The following AGMO variants were observed in gnomAD, a reference collection of about 807,000 sequenced individuals.
The protein encoded by AGMO is alkylglycerol monooxygenase, also known as glyceryl-ether monooxygenase.
Under a neutral mutation model 60.2 loss-of-function variants are expected in AGMO, and 75 were observed. The ratio of observed to expected loss-of-function variants is 1.25; its 90% CI spans 1.03 to 1.51. The LOEUF is 1.51. Ranked by LOEUF, AGMO falls within the 40% of genes most tolerant of loss-of-function variation. AGMO has a pLI of 0.00. For synonymous variants in AGMO, 261 were observed against 177.1 expected (o/e 1.47, Z -3.76); for missense variants, 763 against 525.5 (o/e 1.45, Z -4.42).
At chr7:15,225,933 T>C (rs1782068442) in intron 12 of AGMO, among the ~76,000 whole-genome samples, 1 of 151,996 alleles carries the variant, frequency 6.6e-6, no homozygotes, top group African/African-American at 2.4e-5. Flanking sequence ...TAATCCACTA[T>C]CTATCTGACA....
chr7:15,290,356 A>T (rs945068979), intron 12 of AGMO, among the ~76,000 whole-genome samples: 6 of 152,116 alleles, frequency 3.9e-5, no homozygotes, highest in African/African-American at 7.2e-5. Flanking sequence ...TTTCTCATAG[A>T]TGATTAGTAG....
chr7:15,518,219 G>A (rs528260174), intron 3 of AGMO, among the ~76,000 whole-genome samples: 7 of 152,150 alleles, frequency 4.6e-5, no homozygotes, highest in Non-Finnish European at 8.8e-5. Flanking sequence ...GAGCACCTGG[G>A]GGAAGGGGCA....
chr7:15,534,138 T>A (rs2128543771), intron 3 of AGMO, among the ~76,000 whole-genome samples: 1 of 152,170 alleles, frequency 6.6e-6, no homozygotes, highest in African/African-American at 2.4e-5. Flanking sequence ...AGAACAAATC[T>A]GTTTTAGCAA....
chr7:15,530,584 T>TTCTATATATATATTCTATATACGTATC (rs1325857125), intron 3 of AGMO, among the ~76,000 whole-genome samples: 3 of 112,928 alleles, frequency 2.7e-5, no homozygotes, highest in African/African-American at 9.5e-5. Flanking sequence ...ATATACGTAT[T>TTCTATATATATATTCTATATACGTATC]TCTATATATA....
Position 15,211,261 on chromosome 7 carries a change from C to T in AGMO, c.1264-9902G>A, listed in dbSNP as rs77094627. Among the ~76,000 whole-genome samples, 477 of 151,944 alleles carry T rather than the reference C, an allele frequency of 3.1e-3. 4 individuals are homozygous for T. The highest frequency in any genetic ancestry group is 0.011 in the African/African-American group (449 of 41,472). ...AAGTATTATAAGAATATAAGAGAGA[C>T]TATTATGCTACTATTCTTGCTTAAA... On this transcript the variant is annotated intron_variant, in intron 12 of 12. Coordinates refer to ENST00000342526, the MANE Select transcript of AGMO (RefSeq NM_001004320.2).
chr7:15,449,371 T>C (rs1781796616), intron 3 of AGMO, among the ~76,000 whole-genome samples: 1 of 152,058 alleles, frequency 6.6e-6, no homozygotes, highest in Non-Finnish European at 1.5e-5. Context: ...TGTACATGTA[T>C]AAACATATAC....
chr7:15,288,877 T>C (rs1784178828), intron 12 of AGMO, among the ~76,000 whole-genome samples: 1 of 151,060 alleles, frequency 6.6e-6, no homozygotes, highest in South Asian at 2.1e-4. Flanking sequence ...ATATATACAC[T>C]CTTATCTCTT....
At chr7:15,385,307 T>C (rs967173855) in intron 10 of AGMO, 139 bp downstream of exon 10, 7 of 575,416 alleles carry the variant, frequency 1.2e-5, no homozygotes, top group Admixed American at 3.5e-5. Flanking sequence ...GTTTTACCTA[T>C]TTAAATGTGA....
chr7:15,122,234 G>C, the AGMO span, among the ~76,000 whole-genome samples: 1 of 152,044 alleles, frequency 6.6e-6, no homozygotes, highest in Non-Finnish European at 1.5e-5. Context: ...CCATCAAAAA[G>C]TGGGCAAACG....
intron 3 of AGMO, among the ~76,000 whole-genome samples, chr7:15,449,832 T>C (rs2128505128): frequency 6.6e-6 from 1 of 152,288 alleles, no homozygotes; most frequent in African/African-American, 2.4e-5. Context: ...ATGAGTAAAG[T>C]CAAGTCCACA....
chr7:15,542,668 T>G (rs1265461568), intron 3 of AGMO, among the ~76,000 whole-genome samples: 1 of 152,212 alleles, frequency 6.6e-6, no homozygotes, highest in Non-Finnish European at 1.5e-5. Flanking sequence ...AGATTGCCGA[T>G]GAGTTTATTT....
intron 12 of AGMO, among the ~76,000 whole-genome samples, chr7:15,295,475 G>T (rs1784383766): frequency 6.6e-6 from 1 of 152,114 alleles, no homozygotes; most frequent in Non-Finnish European, 1.5e-5. Context: ...TGGAGAAAAA[G>T]AATGCAGAGA....
chr7:15,150,216 G>A, the AGMO span, among the ~76,000 whole-genome samples: 1 of 151,984 alleles, frequency 6.6e-6, no homozygotes, highest in Non-Finnish European at 1.5e-5. Context: ...TAGACTATGA[G>A]GTTTCCTAGG....
chr7:15,156,208 G>GT, the AGMO span, among the ~76,000 whole-genome samples: 3 of 152,212 alleles, frequency 2.0e-5, no homozygotes, highest in African/African-American at 7.2e-5. Context: ...AAGGCTGTTG[G>GT]TGAGTATGCA....
intron 12 of AGMO, among the ~76,000 whole-genome samples, chr7:15,270,028 T>C (rs1162557379): frequency 6.6e-6 from 1 of 152,138 alleles, no homozygotes; most frequent in African/African-American, 2.4e-5. Context: ...GCATCTTAGT[T>C]AATTCTATGA....
rs2115463240 is a variant in AGMO, at chr7:15,200,789, G to C, written c.*496C>G. 1 of 152,834 alleles carries C rather than the reference G, an allele frequency of 6.5e-6. No individual in the cohort carries two copies. Among genetic ancestry groups the C allele is most frequent in the East Asian group, 1.9e-4 (1 of 5,190 alleles). 9.5% of individuals were successfully genotyped at this position (152,834 alleles called of 1,614,324 possible). The stretch of plus-strand genomic sequence containing the variant: ...ATTACAGGGGTGAGCCACCGCGCCT[G>C]GCCTCAGTGATGTCTTTTTCTGGAA... On this transcript the variant is annotated 3_prime_UTR_variant, in exon 13 of 13. Coordinates refer to ENST00000342526, the MANE Select transcript of AGMO (RefSeq NM_001004320.2).
rs1783846451 is a variant in AGMO at position 15,384,814 on chromosome 7, TCTC to T, written c.1074+629_1074+631del. On this transcript the variant is annotated intron_variant, in intron 10 of 12. Transcript: ENST00000342526. ...TAAATCTATAAAAAATACCTGTTTT[TCTC>T]TTTTTTTTTTTTTTTTTGCAATTTA... Among the ~76,000 whole-genome samples, 3 of 80,472 alleles carry T rather than the reference TCTC, an allele frequency of 3.7e-5. No individual in the cohort carries two copies. In the South Asian group the frequency reaches 1.4e-3, roughly 36 times the overall value. The allele number at this position is 80,472 out of a possible 152,430, so 52.8% of individuals were successfully genotyped here. A position where few individuals can be genotyped will look rare whatever the true frequency, so the allele number is the denominator to read the frequency against.
At chr7:15,447,163 T>A in intron 3 of AGMO, among the ~76,000 whole-genome samples, 1 of 152,212 alleles carries the variant, frequency 6.6e-6, no homozygotes, top group East Asian at 1.9e-4. Context: ...GTTTCCTCTA[T>A]CATTAAAAGT....
chr7:15,319,767 C>A (rs1379579969), intron 12 of AGMO, among the ~76,000 whole-genome samples: 1 of 151,888 alleles, frequency 6.6e-6, no homozygotes, highest in Non-Finnish European at 1.5e-5. Context: ...ACTTCCAACT[C>A]AAAACTGGAA....
Sources: gnomAD v4.1 joint callset for allele counts (sites outside exome capture counted in the v4.1 genomes callset) on GRCh38, gnomAD v4.1.1 for gene constraint, MANE v1.5 for transcripts, NCBI Gene and HGNC (gene_info 2026-07-23, HGNC 2026-07-21) for gene names.